The following POU2F1 variants were observed in gnomAD, a reference collection of about 807,000 sequenced individuals.
The protein encoded by POU2F1 is POU domain, class 2, transcription factor 1.
In POU2F1, 16 loss-of-function variants were observed where a neutral mutation model predicts 84.9. The ratio of observed to expected loss-of-function variants is 0.19; its 90% CI spans 0.13 to 0.29. The LOEUF is 0.29. Among genes scored for constraint, POU2F1 ranks in the 10% least tolerant of loss-of-function variants. The pLI, the probability that POU2F1 is intolerant of heterozygous loss-of-function variation, is 1.00. For synonymous variants in POU2F1, 368 were observed against 368.3 expected (o/e 1.00, Z 0.01); for missense variants, 738 against 942.6 (o/e 0.78, Z 2.84).
intron 1 of POU2F1, among the ~76,000 whole-genome samples, chr1:167,221,854 C>T (rs1648226130): frequency 6.6e-6 from 1 of 151,868 alleles, no homozygotes; most frequent in Non-Finnish European, 1.5e-5. Context: ...GGAAGGAGTC[C>T]TTGGGGCAAG....
At chr1:167,363,448 C>G (rs1230523000) in intron 2 of POU2F1, among the ~76,000 whole-genome samples, 1 of 152,164 alleles carries the variant, frequency 6.6e-6, no homozygotes, top group Non-Finnish European at 1.5e-5. Flanking sequence ...AAAATCTCCA[C>G]AAAGGGACTG....
intron 1 of POU2F1, among the ~76,000 whole-genome samples, chr1:167,312,841 A>G (rs1655599500): frequency 6.6e-6 from 1 of 152,134 alleles, no homozygotes; most frequent in Non-Finnish European, 1.5e-5. Flanking sequence ...TTCTATGTTT[A>G]TGTATGTTTA....
chr1:167,347,412 A>T (rs1658272448), intron 2 of POU2F1, among the ~76,000 whole-genome samples: 1 of 152,202 alleles, frequency 6.6e-6, no homozygotes, highest in Non-Finnish European at 1.5e-5. Context: ...GCATTTCATA[A>T]CAGATCATAA....
At chr1:167,386,093 C>T (rs1216656704) in intron 8 of POU2F1, among the ~76,000 whole-genome samples, 3 of 152,132 alleles carry the variant, frequency 2.0e-5, no homozygotes, top group East Asian at 3.9e-4. Context: ...ATGACAAAAC[C>T]AAGTGTTGGC....
At chr1:167,260,003 C>G (rs566950336) in intron 1 of POU2F1, among the ~76,000 whole-genome samples, 1 of 152,130 alleles carries the variant, frequency 6.6e-6, no homozygotes, top group South Asian at 2.1e-4. Flanking sequence ...CTCAGCCTCC[C>G]GAGTAGCTGG....
intron 13 of POU2F1, among the ~76,000 whole-genome samples, chr1:167,411,349 A>T (rs2101942606): frequency 6.6e-6 from 1 of 151,884 alleles, no homozygotes; most frequent in African/African-American, 2.4e-5. Context: ...ACAAATAATA[A>T]TTTCTTAGAT....
chr1:167,365,472 CA>C lies in POU2F1; in HGVS notation c.136del (p.Thr46ProfsTer13), dbSNP rs1241384108. ...MESGDGNTGTQTNGLDFQKQP... is the reference protein window; with the variant it reads ...MESGDGNTGTXTNGLDFQKQP... The stretch of plus-strand genomic sequence containing the variant: ...TTATTTTGCTTGCTTTCTAGGCACA[CA>C]AACCAATGGTCTGGACTTTCAGAAG... On this transcript the variant is annotated frameshift_variant, in exon 3 of 16. Transcript: ENST00000367866. LOFTEE classifies it high-confidence loss of function. 6.3e-7 allele frequency: 1 copy of C among 1,577,432 alleles called. No individual in the cohort carries two copies. Among genetic ancestry groups the C allele is most frequent in the Non-Finnish European group, 8.6e-7 (1 of 1,163,652 alleles).
At position 167,254,680 on chromosome 1, in the gene POU2F1, C is replaced by G. The variant is rs535135716; in HGVS notation, c.61+33722C>G. On this transcript the variant is annotated intron_variant, in intron 1 of 15. Transcript: ENST00000367866. ...TCCCTGGCTTTAGCAGTTGAACTTA[C>G]AGGATAATGTTTAGTTCTCATTATC... is the stretch of plus-strand genomic sequence containing the variant. Among the ~76,000 whole-genome samples the G allele has an allele frequency of 1.0e-3, 153 of 152,258 alleles. 1 individual carries two copies. Among genetic ancestry groups the G allele is most frequent in the Admixed American group, 3.9e-3 (59 of 15,292 alleles).
chr1:167,337,489 C>G (rs1374134875), intron 2 of POU2F1, among the ~76,000 whole-genome samples: 1 of 151,954 alleles, frequency 6.6e-6, no homozygotes, highest in Non-Finnish European at 1.5e-5. Context: ...TTAATGCCAG[C>G]AAAGGATGGT....
chr1:167,227,214 T>TA (rs1648702296), intron 1 of POU2F1, among the ~76,000 whole-genome samples: 3 of 152,348 alleles, frequency 2.0e-5, no homozygotes, highest in East Asian at 3.9e-4. Context: ...TACTAAGTCT[T>TA]CAATATTGAA....
At chr1:167,266,034 C>G (rs1033098450) in intron 1 of POU2F1, among the ~76,000 whole-genome samples, 1 of 152,230 alleles carries the variant, frequency 6.6e-6, no homozygotes, top group Non-Finnish European at 1.5e-5. Context: ...ACAAATATAA[C>G]TGACACACTT....
rs558108116 is a variant in POU2F1 at position 167,343,889 on chromosome 1, G to A, written c.127+11354G>A. Among the ~76,000 whole-genome samples, 3 of 151,848 alleles carry A rather than the reference G, an allele frequency of 2.0e-5. No individual in the cohort carries two copies. In the East Asian group the frequency reaches 5.8e-4, roughly 29 times the overall value. On this transcript the variant is annotated intron_variant, in intron 2 of 15. Coordinates refer to ENST00000367866, the MANE Select transcript of POU2F1 (RefSeq NM_002697.4). ...GTGAAGATGTGGGCAATTGAAGATA[G>A]AGATAGGTTCCTGAGGAGAGGTGTA... is the stretch of plus-strand genomic sequence containing the variant.
chr1:167,223,685 T>G (rs1648409595), intron 1 of POU2F1, among the ~76,000 whole-genome samples: 2 of 152,108 alleles, frequency 1.3e-5, no homozygotes, highest in African/African-American at 4.8e-5. Context: ...GTTCTCACCA[T>G]TTTTCTTCTT....
At position 167,258,280 on chromosome 1, in the gene POU2F1, A is replaced by G. The variant is rs577511137; in HGVS notation, c.61+37322A>G. 1.2e-4 allele frequency among the ~76,000 whole-genome samples: 19 copies of G among 152,294 alleles called. No individual in the cohort carries two copies. In the South Asian group the frequency reaches 3.9e-3, roughly 32 times the overall value. On this transcript the variant is annotated intron_variant, in intron 1 of 15. Coordinates refer to ENST00000367866, the MANE Select transcript of POU2F1 (RefSeq NM_002697.4). The stretch of plus-strand genomic sequence containing the variant: ...TTTCTTATAGCTTGTGAGCATCTCC[A>G]TATTTTGGAGGGAGTGACTGAAAGA...
chr1:167,240,567 A>G (rs1266480633), intron 1 of POU2F1, among the ~76,000 whole-genome samples: 1 of 152,222 alleles, frequency 6.6e-6, no homozygotes. Flanking sequence ...ATAAATGATT[A>G]TGAGCTTATA....
intron 1 of POU2F1, among the ~76,000 whole-genome samples, chr1:167,235,164 T>C (rs1239707269): frequency 6.6e-6 from 1 of 152,174 alleles, no homozygotes; most frequent in East Asian, 1.9e-4. Flanking sequence ...CCTTGTTGAG[T>C]TGTTAATGCT....
At chr1:167,303,645 C>T (rs953751308) in intron 1 of POU2F1, 1 of 152,270 alleles carries the variant, frequency 6.6e-6, no homozygotes, top group African/African-American at 2.4e-5. Context: ...ATGATGATTA[C>T]CTTTAATTTT....
At chr1:167,263,713 T>C (rs944204810) in intron 1 of POU2F1, among the ~76,000 whole-genome samples, 2 of 152,170 alleles carry the variant, frequency 1.3e-5, no homozygotes, top group Non-Finnish European at 2.9e-5. Flanking sequence ...ACCCCAACAG[T>C]CAAGGCCCTC....
At chr1:167,350,692 A>G (rs1031302917) in intron 2 of POU2F1, among the ~76,000 whole-genome samples, 3 of 149,586 alleles carry the variant, frequency 2.0e-5, no homozygotes, top group Non-Finnish European at 4.4e-5. Flanking sequence ...AAAAAAAAAG[A>G]AAAGAAAATG....
Sources: allele counts gnomAD v4.1 joint callset (sites outside exome capture counted in the v4.1 genomes callset), GRCh38; gene constraint gnomAD v4.1.1; transcripts MANE v1.5; gene names NCBI Gene and HGNC (gene_info 2026-07-23, HGNC 2026-07-21).